Variants in FOXO3 observed in about 807,000 individuals in gnomAD.
FOXO3 encodes forkhead box O3.
A neutral mutation model predicts 41.9 loss-of-function variants in FOXO3; 4 were observed. The ratio of observed to expected loss-of-function variants is 0.10; its 90% CI spans 0.05 to 0.22. The LOEUF (loss-of-function observed/expected upper bound fraction) is 0.22. Among genes scored for constraint, FOXO3 ranks in the 10% least tolerant of loss-of-function variants. The pLI is 1.00. For synonymous variants in FOXO3, 318 were observed against 389.3 expected (o/e 0.82, Z 2.16); for missense variants, 534 against 906.8 (o/e 0.59, Z 5.28).
chr6:108,610,767 G>C (rs182183066), intron 1 of FOXO3, among the ~76,000 whole-genome samples: 14 of 152,228 alleles, frequency 9.2e-5, no homozygotes, highest in Non-Finnish European at 1.5e-5. Flanking sequence ...TGCTGTTTTT[G>C]TGGCATTTGG....
chr6:108,611,484 C>A (rs981985337), intron 1 of FOXO3, among the ~76,000 whole-genome samples: 1 of 152,182 alleles, frequency 6.6e-6, no homozygotes, highest in Admixed American at 6.5e-5. Context: ...TTTCTGCCAG[C>A]AATGTATGAG....
intron 1 of FOXO3, among the ~76,000 whole-genome samples, chr6:108,633,629 A>G (rs1262363178): frequency 1.3e-5 from 2 of 152,140 alleles, no homozygotes; most frequent in South Asian, 4.1e-4. Context: ...CCTTTTGTGC[A>G]TGCAGTACAA....
chr6:108,660,344 A>G (rs1778807394), intron 1 of FOXO3, among the ~76,000 whole-genome samples: 1 of 152,164 alleles, frequency 6.6e-6, no homozygotes, highest in Non-Finnish European at 1.5e-5. Flanking sequence ...TCTTTTTAAA[A>G]ACCGTAAAAG....
chr6:108,581,845 T>C (rs927816063), intron 1 of FOXO3, among the ~76,000 whole-genome samples: 1 of 152,088 alleles, frequency 6.6e-6, no homozygotes, highest in African/African-American at 2.4e-5. Flanking sequence ...ATGCCATCTT[T>C]CCCCCATTAT....
At chr6:108,648,953 TACC>T (rs1422706050) in intron 1 of FOXO3, among the ~76,000 whole-genome samples, 1 of 145,922 alleles carries the variant, frequency 6.9e-6, no homozygotes, top group Admixed American at 7.1e-5. Context: ...ACTGTGGTTA[TACC>T]ACTGCACTCC....
chr6:108,563,364 C>T (rs1003093601), intron 1 of FOXO3, among the ~76,000 whole-genome samples: 16 of 152,266 alleles, frequency 1.1e-4, no homozygotes, highest in African/African-American at 3.6e-4. Flanking sequence ...TGGTTTAATT[C>T]AATTGCTTTG....
At chr6:108,610,443 G>A (rs1412320889) in intron 1 of FOXO3, among the ~76,000 whole-genome samples, 2 of 152,180 alleles carry the variant, frequency 1.3e-5, no homozygotes, top group African/African-American at 2.4e-5. Context: ...TCATGGGACT[G>A]GACCGCTTAG....
intron 2 of FOXO3, among the ~76,000 whole-genome samples, chr6:108,673,464 G>A (rs1770431236): frequency 6.6e-6 from 1 of 152,222 alleles, no homozygotes; most frequent in Non-Finnish European, 1.5e-5. Context: ...TTGTTACATG[G>A]CCACCATCTG....
At chr6:108,629,333 T>A (rs1360523910) in intron 1 of FOXO3, among the ~76,000 whole-genome samples, 1 of 152,124 alleles carries the variant, frequency 6.6e-6, no homozygotes, top group Admixed American at 6.6e-5. Context: ...AGATTGAGAA[T>A]AAGGGTTGTG....
intron 1 of FOXO3, among the ~76,000 whole-genome samples, chr6:108,616,161 T>G (rs995540367): frequency 1.5e-5 from 2 of 134,310 alleles, no homozygotes; most frequent in African/African-American, 5.8e-5. Context: ...CTAAGGTTTT[T>G]TTTTTTTTTT....
intron 1 of FOXO3, among the ~76,000 whole-genome samples, chr6:108,576,426 A>T (rs1258345909): frequency 6.6e-6 from 1 of 152,242 alleles, no homozygotes; most frequent in African/African-American, 2.4e-5. Flanking sequence ...ATAGTCTCAT[A>T]AAATCAGTGA....
chr6:108,568,277 A>G (rs2128356111), intron 1 of FOXO3, among the ~76,000 whole-genome samples: 1 of 147,478 alleles, frequency 6.8e-6, no homozygotes, highest in African/African-American at 2.5e-5. Flanking sequence ...ACTGCCTACC[A>G]TTGTGGTTTC....
At chr6:108,611,091 TAG>T (rs1243792610) in intron 1 of FOXO3, among the ~76,000 whole-genome samples, 1 of 143,406 alleles carries the variant, frequency 7.0e-6, no homozygotes, top group African/African-American at 2.7e-5. Context: ...CGTATAAATG[TAG>T]AGTCATTACT....
At chr6:108,574,152 CAAAAAA>C (rs1200932714) in intron 1 of FOXO3, among the ~76,000 whole-genome samples, 2 of 72,800 alleles carry the variant, frequency 2.7e-5, no homozygotes, top group East Asian at 4.1e-4. Context: ...GACTCTGTCT[CAAAAAA>C]AAAAAAAAAA....
rs538837080 is a variant in FOXO3, at chr6:108,647,853, C to CT, written c.622-15595dup. 5.9e-5 allele frequency among the ~76,000 whole-genome samples: 9 copies of CT among 152,232 alleles called. No homozygotes were observed. The East Asian group carries it at 1.7e-3, about 29-fold the overall frequency. ...TCATTAATAAGCTAGAAAATTAACT[C>CT]TTTTTTTGGAAACTTGGAGAGAGTC... On this transcript the variant is annotated intron_variant, in intron 1 of 2. Transcript: ENST00000406360.
Position 108,674,158 on chromosome 6 carries a change from A to G in FOXO3, c.*35-5669A>G, listed in dbSNP as rs375335815. Reference sequence around the variant, plus strand: ...CATAAAGTACTGCAAATCCTAGGTCATATCCCACCAGGCAGTAGGTTCTGC... The same window carrying G: ...CATAAAGTACTGCAAATCCTAGGTCGTATCCCACCAGGCAGTAGGTTCTGC... On this transcript the variant is annotated intron_variant, in intron 2 of 2. Transcript: ENST00000406360. Among the ~76,000 whole-genome samples, 135 of 152,330 alleles carry G rather than the reference A, an allele frequency of 8.9e-4. 1 individual carries two copies. The highest frequency in any genetic ancestry group is 7.9e-3 in the South Asian group (38 of 4,828).
At chr6:108,601,763 T>C (rs1240950763) in intron 1 of FOXO3, among the ~76,000 whole-genome samples, 1 of 152,240 alleles carries the variant, frequency 6.6e-6, no homozygotes, top group Non-Finnish European at 1.5e-5. Context: ...ATTTTTGGGA[T>C]TGACTTTTTC....
At chr6:108,567,904 C>T (rs182207829) in intron 1 of FOXO3, among the ~76,000 whole-genome samples, 29 of 152,188 alleles carry the variant, frequency 1.9e-4, no homozygotes, top group Admixed American at 7.8e-4. Flanking sequence ...AAAAGCTAGC[C>T]GGGCATCGTG....
intron 2 of FOXO3, among the ~76,000 whole-genome samples, chr6:108,665,851 C>T (rs1442582438): frequency 6.9e-6 from 1 of 144,412 alleles, no homozygotes; most frequent in Non-Finnish European, 1.5e-5. Context: ...AATTTGAAAA[C>T]ACAGGTGTTT....
Sources: gnomAD v4.1 joint callset for allele counts (sites outside exome capture counted in the v4.1 genomes callset) on GRCh38, gnomAD v4.1.1 for gene constraint, MANE v1.5 for transcripts, NCBI Gene and HGNC (gene_info 2026-07-23, HGNC 2026-07-21) for gene names.